The following P4HA3 variants were observed in gnomAD, a reference collection of about 807,000 sequenced individuals.
P4HA3 encodes the protein prolyl 4-hydroxylase subunit alpha 3, also known as prolyl 4-hydroxylase subunit alpha-3.
In P4HA3, 60 loss-of-function variants were observed where a neutral mutation model predicts 66.7. The ratio of observed to expected loss-of-function variants is 0.90; its 90% CI spans 0.73 to 1.12. P4HA3 has a LOEUF of 1.12. Ranked by LOEUF, P4HA3 falls within the 50% of genes most tolerant of loss-of-function variation. The pLI, the probability that P4HA3 is intolerant of heterozygous loss-of-function variation, is 0.00. For missense variants in P4HA3, 683 were observed against 685.8 expected (o/e 1.00, Z 0.05); for synonymous variants, 263 against 274.6 (o/e 0.96, Z 0.42).
chr11:74,258,099 T>C (rs1859855969), intron 15 of P4HA3, among the ~76,000 whole-genome samples: 1 of 152,218 alleles, frequency 6.6e-6, no homozygotes, highest in Non-Finnish European at 1.5e-5. Context: ...GAGCCAACTC[T>C]GCTGCTCCAG....
In P4HA3 at chr11:74,308,013, GTA is replaced by G. The variant is rs1434176776; in HGVS notation, c.200+3397_200+3398del. Among the ~76,000 whole-genome samples the G allele has an allele frequency of 2.0e-5, 3 of 151,994 alleles. No individual in the cohort carries two copies. The East Asian group carries it at 5.8e-4, about 29-fold the overall frequency. On this transcript the variant is annotated intron_variant, in intron 1 of 12. Transcript: ENST00000331597. ...CTTTTTATATATATAACTAGTATAT[GTA>G]CCATACTGGCATATAACTATATATA...
chr11:74,293,502 G>C (rs139831828), intron 4 of P4HA3, among the ~76,000 whole-genome samples: 7,738 of 152,208 alleles, frequency 0.051, 502 homozygotes, highest in African/African-American at 0.15. Flanking sequence ...ACATTAGCTG[G>C]TTATTTTGCT....
chr11:74,295,099 C>G (rs1392080421), intron 4 of P4HA3, among the ~76,000 whole-genome samples: 7 of 152,142 alleles, frequency 4.6e-5, no homozygotes, highest in African/African-American at 1.7e-4. Flanking sequence ...CATGCAAAAC[C>G]ATGTAATTGC....
At chr11:74,278,662 G>A (rs1452637044) in intron 8 of P4HA3, among the ~76,000 whole-genome samples, 1 of 152,186 alleles carries the variant, frequency 6.6e-6, no homozygotes, top group Non-Finnish European at 1.5e-5. Context: ...AAAAAGCAAT[G>A]AGGCTGAGGT....
At chr11:74,277,260 A>G in intron 8 of P4HA3, 116 bp from the exon 9 acceptor site, 6 of 1,329,516 alleles carry the variant, frequency 4.5e-6, no homozygotes. Flanking sequence ...GGAAGGATGG[A>G]AGGAAGGAGG....
intron 10 of P4HA3, among the ~76,000 whole-genome samples, chr11:74,271,067 G>T (rs1241392086): frequency 6.6e-6 from 1 of 152,160 alleles, no homozygotes; most frequent in Non-Finnish European, 1.5e-5. Flanking sequence ...CTACCAGAAG[G>T]TTCATGCTCT....
At chr11:74,257,058 G>C (rs1859842076) in intron 15 of P4HA3, among the ~76,000 whole-genome samples, 2 of 152,218 alleles carry the variant, frequency 1.3e-5, no homozygotes, top group Admixed American at 6.5e-5. Context: ...CACGTTGTAA[G>C]AAGGTTGGGG....
intron 7 of P4HA3, among the ~76,000 whole-genome samples, chr11:74,280,288 G>A (rs1325614506): frequency 6.6e-6 from 1 of 151,654 alleles, no homozygotes; most frequent in Non-Finnish European, 1.5e-5. Flanking sequence ...CAAATAGCTG[G>A]GACCATAGGC....
intron 15 of P4HA3, among the ~76,000 whole-genome samples, chr11:74,256,436 C>A (rs1468000931): frequency 6.6e-6 from 1 of 152,198 alleles, no homozygotes; most frequent in East Asian, 1.9e-4. Context: ...AGCAAAAGCT[C>A]AGACATTTGA....
At chr11:74,309,273 T>G (rs969543331) in intron 1 of P4HA3, among the ~76,000 whole-genome samples, 27 of 152,330 alleles carry the variant, frequency 1.8e-4, no homozygotes, top group Middle Eastern at 3.4e-3. Flanking sequence ...CAAATCTATT[T>G]CAAAGCATTG....
chr11:74,295,012 C>G (rs981175007), intron 4 of P4HA3, among the ~76,000 whole-genome samples: 1 of 152,172 alleles, frequency 6.6e-6, no homozygotes, highest in African/African-American at 2.4e-5. Flanking sequence ...TTGTGTCACT[C>G]ACGCTGGGAG....
At chr11:74,274,057 C>A (rs1346130205) in intron 9 of P4HA3, among the ~76,000 whole-genome samples, 1 of 151,730 alleles carries the variant, frequency 6.6e-6, no homozygotes, top group Non-Finnish European at 1.5e-5. Context: ...ATAAAATTCA[C>A]CCCTTGTAAG....
At chr11:74,250,780 A>G (rs546935339) in intron 15 of P4HA3, 6 of 593,750 alleles carry the variant, frequency 1.0e-5, no homozygotes, top group African/African-American at 5.5e-5. Flanking sequence ...GATTGGCGCA[A>G]GGTTACAATT....
chr11:74,289,508 A>ATATG (rs1860930390), intron 4 of P4HA3, among the ~76,000 whole-genome samples: 1 of 151,890 alleles, frequency 6.6e-6, no homozygotes, highest in African/African-American at 2.4e-5. Flanking sequence ...GGTTTGTTAC[A>ATATG]TATGTATACA....
At position 74,266,987 on chromosome 11, in the gene P4HA3, A is replaced by T; in HGVS notation, c.*261T>A. On this transcript the variant is annotated 3_prime_UTR_variant, in exon 13 of 13. Transcript: ENST00000331597. ...AACAGAGAGTATCTGAACTCCAGAA[A>T]CTTCCCTCTCAGGCCTCCACTCCCC... 5 of 1,459,604 alleles carry T rather than the reference A, an allele frequency of 3.4e-6. No individual in the cohort carries two copies. Among genetic ancestry groups the T allele is most frequent in the Non-Finnish European group, 4.6e-6 (5 of 1,098,036 alleles). 90.4% of individuals were successfully genotyped at this position (1,459,604 alleles called of 1,614,324 possible). A position where few individuals can be genotyped will look rare whatever the true frequency, so the allele number is the denominator to read the frequency against.
At chr11:74,303,491 G>A (rs773531442) in intron 2 of P4HA3, among the ~76,000 whole-genome samples, 6 of 151,728 alleles carry the variant, frequency 4.0e-5, no homozygotes, top group Non-Finnish European at 7.4e-5. Flanking sequence ...ATATTGCCCA[G>A]GCTAGTCTCG....
At chr11:74,293,966 T>C (rs1861125725) in intron 4 of P4HA3, among the ~76,000 whole-genome samples, 1 of 152,138 alleles carries the variant, frequency 6.6e-6, no homozygotes, top group Admixed American at 6.5e-5. Flanking sequence ...TGGCGTTCTG[T>C]GTATTTCCTG....
intron 7 of P4HA3, chr11:74,285,551 C>T (rs1031599969): frequency 5.2e-6 from 2 of 387,802 alleles, no homozygotes; most frequent in Non-Finnish European, 9.4e-6. Context: ...TGTACCACGT[C>T]CCTAACAAGA....
At position 74,258,838 on chromosome 11, in the gene P4HA3, G is replaced by T. The variant is rs140366423; in HGVS notation, c.*1318+1085C>A. Reference sequence around the variant, plus strand: ...TCCTTAATTCACTAGGTGTTATGAGGGTTAAATGAGACCTAAGTATCCAAG... The same window carrying T: ...TCCTTAATTCACTAGGTGTTATGAGTGTTAAATGAGACCTAAGTATCCAAG... On this transcript the variant is annotated intron_variant and NMD_transcript_variant, in intron 15 of 15. Transcript: ENST00000524388. Among the ~76,000 whole-genome samples the T allele has an allele frequency of 1.3e-3, 204 of 152,258 alleles. 2 individuals carry two copies. Among genetic ancestry groups the T allele is most frequent in the African/African-American group, 4.1e-3 (171 of 41,540 alleles).
Sources: gnomAD v4.1 joint callset for allele counts (sites outside exome capture counted in the v4.1 genomes callset) on GRCh38, gnomAD v4.1.1 for gene constraint, MANE v1.5 for transcripts, NCBI Gene and HGNC (gene_info 2026-07-23, HGNC 2026-07-21) for gene names.